Variants in KCNU1 observed in about 807,000 individuals in gnomAD.
The protein encoded by KCNU1 is potassium channel subfamily U member 1.
Under a neutral mutation model 126.8 loss-of-function variants are expected in KCNU1, and 93 were observed. The observed-to-expected ratio is 0.73, with a 90% CI of 0.62 to 0.87. The LOEUF is 0.87. Among genes scored for constraint, KCNU1 ranks in the 40% least tolerant of loss-of-function variants. The pLI is 0.00. For synonymous variants in KCNU1, 523 were observed against 494.2 expected (o/e 1.06, Z -0.77); for missense variants, 1,330 against 1,367.1 (o/e 0.97, Z 0.43).
intron 19 of KCNU1, among the ~76,000 whole-genome samples, chr8:36,900,712 A>G (rs761473637): frequency 4.6e-5 from 7 of 152,080 alleles, no homozygotes; most frequent in Non-Finnish European, 8.8e-5. Context: ...ATATACAAAA[A>G]TCTCAGAACC....
At chr8:36,901,255 C>T (rs1807407096) in intron 19 of KCNU1, among the ~76,000 whole-genome samples, 1 of 152,094 alleles carries the variant, frequency 6.6e-6, no homozygotes, top group South Asian at 2.1e-4. Context: ...ACAGTGAAAC[C>T]TAGTCCACCT....
At chr8:36,820,614 G>GA (rs201090907) in intron 10 of KCNU1, among the ~76,000 whole-genome samples, 4,417 of 115,974 alleles carry the variant, frequency 0.038, 206 homozygotes, top group African/African-American at 0.12. Context: ...AGAAAATTCA[G>GA]AAAAAAAAAA....
At chr8:36,868,062 A>G (rs894203051) in intron 19 of KCNU1, among the ~76,000 whole-genome samples, 4 of 152,152 alleles carry the variant, frequency 2.6e-5, no homozygotes, top group Admixed American at 2.0e-4. Flanking sequence ...AACGAGAGCC[A>G]CGCTTCAGAG....
chr8:36,891,246 A>G (rs1036625598), intron 19 of KCNU1, among the ~76,000 whole-genome samples: 1 of 151,996 alleles, frequency 6.6e-6, no homozygotes, highest in Non-Finnish European at 1.5e-5. Context: ...TTAACACCTT[A>G]TAGCAATATA....
At position 36,811,789 on chromosome 8, in the gene KCNU1, G is replaced by A. The variant is rs189717798; in HGVS notation, c.733-2418G>A. ...TCTACTAAAAATAGAAAAATTAGTC[G>A]AGCATGATGGCAGGTGCCTATAAAC... On this transcript the variant is annotated intron_variant, in intron 7 of 26. Coordinates refer to ENST00000399881, the MANE Select transcript of KCNU1 (RefSeq NM_001031836.3). Among the ~76,000 whole-genome samples, 7 of 151,976 alleles carry A rather than the reference G, an allele frequency of 4.6e-5. No homozygotes were observed. The East Asian group carries it at 1.2e-3, about 25-fold the overall frequency.
intron 9 of KCNU1, 81 bp from the exon 10 acceptor site, chr8:36,817,569 G>A (rs756472222): frequency 1.6e-5 from 10 of 632,508 alleles, no homozygotes; most frequent in Admixed American, 6.6e-5. Flanking sequence ...CTAAGTTTAA[G>A]CCAATTATTT....
chr8:36,825,735 A>G (rs2130510249), intron 10 of KCNU1, among the ~76,000 whole-genome samples: 1 of 151,774 alleles, frequency 6.6e-6, no homozygotes, highest in South Asian at 2.1e-4. Context: ...CCAGTGACTA[A>G]CTCTGTTGGA....
rs866410579 is a variant in KCNU1 at position 36,922,426 on chromosome 8, G to C, written c.2597-64G>C. 1.1e-5 allele frequency: 17 copies of C among 1,539,496 alleles called. No homozygotes were observed. The Middle Eastern group carries it at 1.6e-3, about 142-fold the overall frequency. On this transcript the variant is annotated intron_variant, in intron 23 of 26. Coordinates refer to ENST00000399881, the MANE Select transcript of KCNU1 (RefSeq NM_001031836.3). ...AAGTGGTCGCCCCTTGGCCTGCATG[G>C]ATGGCACTTCTTATATTCTTAACCT...
intron 22 of KCNU1, among the ~76,000 whole-genome samples, chr8:36,915,774 T>G (rs1275956118): frequency 1.3e-5 from 2 of 152,154 alleles, no homozygotes; most frequent in East Asian, 3.9e-4. Context: ...TAAAGTCATG[T>G]CTCCAAACTC....
chr8:36,794,040 C>T (rs190174144), intron 2 of KCNU1, among the ~76,000 whole-genome samples: 282 of 124,878 alleles, frequency 2.3e-3, no homozygotes, highest in African/African-American at 8.7e-3. Flanking sequence ...GGTGACAGAG[C>T]GAGACTCTGT....
chr8:36,903,219 A>G (rs1420655618), intron 19 of KCNU1, among the ~76,000 whole-genome samples: 10 of 152,270 alleles, frequency 6.6e-5, no homozygotes, highest in African/African-American at 2.2e-4. Flanking sequence ...AAAAAAAATA[A>G]GATGTAAGTT....
At chr8:36,831,601 G>A (rs1350539081) in intron 10 of KCNU1, among the ~76,000 whole-genome samples, 2 of 147,502 alleles carry the variant, frequency 1.4e-5, no homozygotes, top group African/African-American at 2.5e-5. Flanking sequence ...CTTTTTGATG[G>A]GGTTGTTTGT....
At chr8:36,855,348 G>T (rs1219075753) in intron 18 of KCNU1, among the ~76,000 whole-genome samples, 1 of 151,968 alleles carries the variant, frequency 6.6e-6, no homozygotes, top group Non-Finnish European at 1.5e-5. Flanking sequence ...ACACTCCCTG[G>T]GGATAGGCTT....
chr8:36,796,166 G>A (rs1318201494), intron 2 of KCNU1, among the ~76,000 whole-genome samples: 2 of 152,102 alleles, frequency 1.3e-5, no homozygotes, highest in Non-Finnish European at 2.9e-5. Context: ...GAGAAATGTT[G>A]TATGCTTTCA....
intron 24 of KCNU1, chr8:36,923,108 T>C (rs1471063443): frequency 8.8e-6 from 4 of 455,824 alleles, no homozygotes; most frequent in African/African-American, 2.0e-5. Context: ...GGGGGCATTC[T>C]TGACTACATG....
intron 19 of KCNU1, among the ~76,000 whole-genome samples, chr8:36,893,841 TA>T (rs577830047): frequency 2.0e-3 from 297 of 152,266 alleles, no homozygotes; most frequent in Non-Finnish European, 2.2e-3. Context: ...TCAAAGGCCC[TA>T]ACTCTGCCAT....
chr8:36,890,164 GA>G (rs1806901379), intron 19 of KCNU1, among the ~76,000 whole-genome samples: 1 of 152,078 alleles, frequency 6.6e-6, no homozygotes, highest in Non-Finnish European at 1.5e-5. Flanking sequence ...AAGATGGTAA[GA>G]AAGCCTTCAG....
chr8:36,889,138 C>T, intron 19 of KCNU1: 1 of 533,804 alleles, frequency 1.9e-6, no homozygotes, highest in Non-Finnish European at 3.8e-6. Context: ...TTTGGCCTTC[C>T]AAAGTGCTTG....
chr8:36,808,625 C>A, intron 6 of KCNU1, 93 bp from the exon 7 acceptor site: 1 of 784,154 alleles, frequency 1.3e-6, no homozygotes, highest in Non-Finnish European at 2.2e-6. Context: ...GGTCCATGAG[C>A]CACACTTTGT....
Sources: gnomAD v4.1 joint callset for allele counts (sites outside exome capture counted in the v4.1 genomes callset) on GRCh38, gnomAD v4.1.1 for gene constraint, MANE v1.5 for transcripts, NCBI Gene and HGNC (gene_info 2026-07-23, HGNC 2026-07-21) for gene names.